Variants in ACTR3C observed in about 807,000 individuals in gnomAD.
ACTR3C encodes actin-related protein 3C.
A neutral mutation model predicts 26.3 loss-of-function variants in ACTR3C; 18 were observed. The observed-to-expected ratio is 0.68, with a 90% CI of 0.47 to 1.01. The LOEUF is 1.01. ACTR3C is among the 50% of genes least tolerant of loss of function. ACTR3C has a pLI of 0.00. For missense variants in ACTR3C, 184 were observed against 250.7 expected, an observed-to-expected ratio of 0.73 and a Z score of 1.80; for synonymous variants, 55 against 94.5, an observed-to-expected ratio of 0.58 and a Z score of 2.42.
intron 6 of ACTR3C, among the ~76,000 whole-genome samples, chr7:150,273,128 T>G (rs887578205): frequency 1.1e-4 from 16 of 148,998 alleles, no homozygotes; most frequent in African/African-American, 3.9e-4. Flanking sequence ...AAGCAGATTA[T>G]CCCACACAAC....
At chr7:150,231,876 A>G in the ACTR3C span, among the ~76,000 whole-genome samples, 2 of 152,088 alleles carry the variant, frequency 1.3e-5, no homozygotes, top group African/African-American at 4.8e-5. Context: ...ATAAATGTCA[A>G]TTATATCATA....
At chr7:150,260,439 T>C (rs1172482514) in intron 6 of ACTR3C, among the ~76,000 whole-genome samples, 4 of 152,210 alleles carry the variant, frequency 2.6e-5, no homozygotes, top group African/African-American at 9.7e-5. Flanking sequence ...TTTACCTTCA[T>C]ATCTTTTTTT....
chr7:149,956,247 A>T, the ACTR3C span, among the ~76,000 whole-genome samples: 1 of 152,138 alleles, frequency 6.6e-6, no homozygotes, highest in South Asian at 2.1e-4. Flanking sequence ...TAATAAGCTG[A>T]ATCCTCCTTG....
At chr7:149,999,464 C>T in the ACTR3C span, among the ~76,000 whole-genome samples, 1 of 150,504 alleles carries the variant, frequency 6.6e-6, no homozygotes, top group Non-Finnish European at 1.5e-5. Flanking sequence ...GCGATCATTG[C>T]TGCTGCTCCT....
chr7:149,895,249 G>A, the ACTR3C span, among the ~76,000 whole-genome samples: 1 of 151,342 alleles, frequency 6.6e-6, no homozygotes, highest in African/African-American at 2.5e-5. Flanking sequence ...GCTGTTCGGG[G>A]ATGGGAAGGA....
intron 5 of ACTR3C, 113 bp downstream of exon 5, chr7:150,286,254 G>A (rs1051935331): frequency 2.5e-5 from 33 of 1,346,646 alleles, no homozygotes; most frequent in Non-Finnish European, 3.2e-5. Flanking sequence ...CAGAGAGACC[G>A]AATGACGGCC....
At chr7:149,981,660 G>A in the ACTR3C span, among the ~76,000 whole-genome samples, 7 of 151,384 alleles carry the variant, frequency 4.6e-5, no homozygotes, top group African/African-American at 1.4e-4. Context: ...TTGCCTTTGA[G>A]GGCACAAAGG....
chr7:150,296,446 A>G (rs1191715165), intron 1 of ACTR3C, among the ~76,000 whole-genome samples: 1 of 152,198 alleles, frequency 6.6e-6, no homozygotes, highest in Non-Finnish European at 1.5e-5. Flanking sequence ...CCAAGTATCT[A>G]TTTTAAAACA....
the ACTR3C span, among the ~76,000 whole-genome samples, chr7:149,945,059 T>C: frequency 1.3e-4 from 19 of 151,282 alleles, no homozygotes; most frequent in African/African-American, 4.4e-4. Context: ...CCCAGGGAAA[T>C]GTTGTTGTTG....
intron 1 of ACTR3C, among the ~76,000 whole-genome samples, chr7:150,298,974 CTTTTTT>C (rs550994860): frequency 1.2e-4 from 10 of 82,518 alleles, no homozygotes; most frequent in African/African-American, 2.6e-4. Context: ...GTAATGAAAA[CTTTTTT>C]TTTTTTTTTT....
chr7:150,013,977 CAG>C, the ACTR3C span, among the ~76,000 whole-genome samples: 3 of 152,264 alleles, frequency 2.0e-5, no homozygotes, highest in South Asian at 6.2e-4. Flanking sequence ...GTATTCTGCA[CAG>C]AGTCTGCCAA....
the ACTR3C span, among the ~76,000 whole-genome samples, chr7:150,127,148 AC>A: frequency 2.7e-5 from 2 of 75,356 alleles, no homozygotes; most frequent in African/African-American, 1.1e-4. Context: ...AGACACACAC[AC>A]ACACACACAC....
chr7:150,091,839 T>G, the ACTR3C span, among the ~76,000 whole-genome samples: 2 of 148,140 alleles, frequency 1.4e-5, no homozygotes, highest in East Asian at 4.0e-4. Flanking sequence ...AAAAAAAAAA[T>G]TAGCCGGGCG....
At chr7:150,047,625 T>C in the ACTR3C span, 6,523 of 1,033,674 alleles carry the variant, frequency 6.3e-3, 302 homozygotes, top group African/African-American at 0.1. Flanking sequence ...CTTGTCACCA[T>C]CGCTCCGCGC....
intron 5 of ACTR3C, 63 bp downstream of exon 5, chr7:150,286,304 A>G: frequency 6.4e-7 from 1 of 1,556,362 alleles, no homozygotes. Flanking sequence ...TGCTCTTTCT[A>G]CACTCTGGGT....
the ACTR3C span, among the ~76,000 whole-genome samples, chr7:150,132,143 G>C: frequency 6.6e-6 from 1 of 152,180 alleles, no homozygotes; most frequent in African/African-American, 2.4e-5. Context: ...GGGTGGCAGA[G>C]TATGATGGAG....
the ACTR3C span, among the ~76,000 whole-genome samples, chr7:150,193,991 GACACAC>G: frequency 2.0e-4 from 27 of 131,978 alleles, no homozygotes; most frequent in Middle Eastern, 4.1e-3. Flanking sequence ...TACACACACA[GACACAC>G]ACACACACAC....
At chr7:150,281,268 T>C (rs1835315411) in intron 6 of ACTR3C, among the ~76,000 whole-genome samples, 1 of 151,704 alleles carries the variant, frequency 6.6e-6, no homozygotes, top group African/African-American at 2.4e-5. Context: ...TGCAGAAGTA[T>C]TTGCAGCATG....
the ACTR3C span, among the ~76,000 whole-genome samples, chr7:150,038,285 G>A: frequency 5.5e-5 from 8 of 144,660 alleles, 2 homozygotes; most frequent in South Asian, 2.1e-4. Flanking sequence ...GTTTAGAGAC[G>A]TAGGCTACGG....
Sources: allele counts gnomAD v4.1 joint callset (sites outside exome capture counted in the v4.1 genomes callset), GRCh38; gene constraint gnomAD v4.1.1; transcripts MANE v1.5; gene names NCBI Gene and HGNC (gene_info 2026-07-23, HGNC 2026-07-21).